Variants in MALRD1 observed in about 807,000 individuals in gnomAD.
The protein encoded by MALRD1 is MAM and LDL-receptor class A domain-containing protein 1.
A neutral mutation model predicts 242.1 loss-of-function variants in MALRD1; 247 were observed. The ratio of observed to expected loss-of-function variants is 1.02; its 90% CI spans 0.92 to 1.13. The LOEUF (loss-of-function observed/expected upper bound fraction) is 1.13. Ranked by LOEUF, MALRD1 falls within the 50% of genes most tolerant of loss-of-function variation. MALRD1 has a pLI of 0.00. For missense variants in MALRD1, 2,989 were observed against 2,533.1 expected, an observed-to-expected ratio of 1.18 and a Z score of -3.86; for synonymous variants, 995 against 866.6, an observed-to-expected ratio of 1.15 and a Z score of -2.60.
intron 10 of MALRD1, among the ~76,000 whole-genome samples, chr10:19,138,868 A>AT (rs1169963586): frequency 1.3e-5 from 2 of 151,978 alleles, no homozygotes; most frequent in Non-Finnish European, 2.9e-5. Context: ...TGTATATGAC[A>AT]TTTTTCCAAT....
At chr10:19,097,601 A>G (rs1836088931) in intron 4 of MALRD1, among the ~76,000 whole-genome samples, 1 of 152,210 alleles carries the variant, frequency 6.6e-6, no homozygotes, top group Non-Finnish European at 1.5e-5. Context: ...TTCTTTTGTC[A>G]GAGGCATTAG....
chr10:19,675,107 A>G (rs1842084816), intron 36 of MALRD1, among the ~76,000 whole-genome samples: 1 of 152,156 alleles, frequency 6.6e-6, no homozygotes, highest in Admixed American at 6.5e-5. Flanking sequence ...TACTGTAATA[A>G]TTTTGAAATA....
intron 2 of MALRD1, among the ~76,000 whole-genome samples, chr10:19,081,457 C>T (rs1835488765): frequency 6.6e-6 from 1 of 152,052 alleles, no homozygotes; most frequent in Admixed American, 6.6e-5. Flanking sequence ...AGATCATGTC[C>T]TTTGCAGGGA....
chr10:19,534,605 A>G (rs1189933315), intron 32 of MALRD1, among the ~76,000 whole-genome samples: 1 of 152,160 alleles, frequency 6.6e-6, no homozygotes, highest in African/African-American at 2.4e-5. Flanking sequence ...AGTAAAAAAC[A>G]AGTCCTTTTT....
intron 31 of MALRD1, among the ~76,000 whole-genome samples, chr10:19,510,924 C>A (rs959192341): frequency 6.6e-6 from 1 of 152,154 alleles, no homozygotes; most frequent in Non-Finnish European, 1.5e-5. Context: ...CCGTGTGCAG[C>A]AAGAGGTGTT....
At chr10:19,615,794 A>G in intron 35 of MALRD1, 63 bp from the exon 36 acceptor site, 1 of 1,260,364 alleles carries the variant, frequency 7.9e-7, no homozygotes, top group South Asian at 1.4e-5. Context: ...AAATAGTGAT[A>G]TCTTCTTCTT....
At chr10:19,665,071 G>A (rs1197924006) in intron 36 of MALRD1, among the ~76,000 whole-genome samples, 1 of 152,066 alleles carries the variant, frequency 6.6e-6, no homozygotes, top group Non-Finnish European at 1.5e-5. Context: ...CTAGGGCTCT[G>A]CAAATTAGAC....
intron 36 of MALRD1, among the ~76,000 whole-genome samples, chr10:19,643,357 A>G (rs538383446): frequency 1.3e-5 from 2 of 152,332 alleles, no homozygotes; most frequent in African/African-American, 4.8e-5. Context: ...GAAGCAGTAG[A>G]ATCGCTTGAA....
intron 29 of MALRD1, among the ~76,000 whole-genome samples, chr10:19,487,608 T>G (rs1273687218): frequency 1.3e-5 from 2 of 152,008 alleles, no homozygotes; most frequent in Non-Finnish European, 2.9e-5. Context: ...TATATGGCTT[T>G]ACATCCTATG....
chr10:19,149,274 C>A (rs565610034), intron 11 of MALRD1, among the ~76,000 whole-genome samples: 1 of 152,086 alleles, frequency 6.6e-6, no homozygotes, highest in Non-Finnish European at 1.5e-5. Flanking sequence ...CACCACCACG[C>A]CCAGCTGGTT....
At chr10:19,293,270 T>TTAAATA (rs201558714) in intron 21 of MALRD1, among the ~76,000 whole-genome samples, 1 of 121,910 alleles carries the variant, frequency 8.2e-6, no homozygotes, top group Non-Finnish European at 1.9e-5. Flanking sequence ...TCAACTGTAG[T>TTAAATA]TATATATACA....
chr10:19,354,805 A>G (rs1292504338), intron 26 of MALRD1, among the ~76,000 whole-genome samples: 3 of 152,152 alleles, frequency 2.0e-5, no homozygotes, highest in Non-Finnish European at 4.4e-5. Flanking sequence ...GGTTATCCCA[A>G]TTACCCTGAT....
chr10:19,531,438 GT>G, intron 32 of MALRD1, 87 bp downstream of exon 32: 1 of 1,324,702 alleles, frequency 7.5e-7, no homozygotes. Context: ...TTGTATTTTT[GT>G]TGGTCACACC....
chr10:19,200,080 G>T (rs1368495094), intron 14 of MALRD1, among the ~76,000 whole-genome samples: 3 of 152,090 alleles, frequency 2.0e-5, no homozygotes, highest in Non-Finnish European at 4.4e-5. Context: ...ATGAGCTGAG[G>T]TCATGTCACT....
Position 19,376,542 on chromosome 10 carries a change from C to CATTTTTTTTTTTTTTTTTTTTTTTTTT in MALRD1, c.4442-10986_4442-10985insATTTTTTTTTTTTTTTTTTTTTTTTTT, listed in dbSNP as rs1554842468. Among the ~76,000 whole-genome samples, 12 of 94,992 alleles carry CATTTTTTTTTTTTTTTTTTTTTTTTTT rather than the reference C, an allele frequency of 1.3e-4. 3 individuals carry two copies. Among genetic ancestry groups the CATTTTTTTTTTTTTTTTTTTTTTTTTT allele is most frequent in the African/African-American group, 2.4e-4 (6 of 25,250 alleles). The allele number at this position is 94,992 out of a possible 152,430, so 62.3% of individuals were successfully genotyped here. On this transcript the variant is annotated intron_variant, in intron 26 of 39. Transcript: ENST00000454679. ...TTGAAAGTCAAGGAGTTGATACATT[C>CATTTTTTTTTTTTTTTTTTTTTTTTTT]TTTTTTTTTTTTTTTTTTTTTTTTT...
chr10:19,565,058 AAAT>A (rs1397555216), intron 32 of MALRD1, among the ~76,000 whole-genome samples: 26 of 152,318 alleles, frequency 1.7e-4, no homozygotes, highest in Non-Finnish European at 3.7e-4. Context: ...GTTACTAATG[AAAT>A]AACCTACAAA....
At chr10:19,584,144 T>C (rs1837274116) in intron 33 of MALRD1, among the ~76,000 whole-genome samples, 1 of 151,266 alleles carries the variant, frequency 6.6e-6, no homozygotes, top group South Asian at 2.1e-4. Context: ...GCTAGCGGTC[T>C]ATCAATTTTG....
intron 9 of MALRD1, among the ~76,000 whole-genome samples, 165 bp from the exon 10 acceptor site, chr10:19,136,409 G>A (rs568723260): frequency 5.9e-4 from 89 of 151,454 alleles, no homozygotes; most frequent in African/African-American, 1.7e-3. Context: ...TATGTCAGTC[G>A]TATGAGCATG....
At chr10:19,503,123 A>G (rs1032674797) in intron 31 of MALRD1, among the ~76,000 whole-genome samples, 15 of 152,178 alleles carry the variant, frequency 9.9e-5, no homozygotes, top group Non-Finnish European at 2.2e-4. Context: ...GAGACAGTAT[A>G]TTTTACAGAG....
Sources: gnomAD v4.1 joint callset for allele counts (sites outside exome capture counted in the v4.1 genomes callset) on GRCh38, gnomAD v4.1.1 for gene constraint, MANE v1.5 for transcripts, NCBI Gene and HGNC (gene_info 2026-07-23, HGNC 2026-07-21) for gene names.